Variants in PAPSS1 observed in about 807,000 individuals in gnomAD.
PAPSS1 encodes the protein bifunctional 3'-phosphoadenosine 5'-phosphosulfate synthase 1.
Under a neutral mutation model 72.0 loss-of-function variants are expected in PAPSS1, and 50 were observed. That is an observed-to-expected ratio of 0.69 (90% CI 0.55 to 0.88). The LOEUF (loss-of-function observed/expected upper bound fraction) is 0.88. Ranked by LOEUF, PAPSS1 falls within the 40% of genes least tolerant of loss-of-function variation. PAPSS1 has a pLI of 0.00. For synonymous variants in PAPSS1, 261 were observed against 263.6 expected, an observed-to-expected ratio of 0.99 and a Z score of 0.09; for missense variants, 657 against 782.2, an observed-to-expected ratio of 0.84 and a Z score of 1.91.
intron 1 of PAPSS1, among the ~76,000 whole-genome samples, chr4:107,719,187 G>GTTT (rs9307313): frequency 3.4e-5 from 5 of 146,412 alleles, no homozygotes; most frequent in Admixed American, 6.8e-5. Flanking sequence ...GAAATTGCTT[G>GTTT]TTTTTTTTTT....
intron 1 of PAPSS1, among the ~76,000 whole-genome samples, chr4:107,703,106 G>A (rs189021770): frequency 1.1e-4 from 16 of 152,224 alleles, no homozygotes; most frequent in East Asian, 1.9e-4. Flanking sequence ...AAGTTGAGCC[G>A]ATGATTAGAG....
At chr4:107,718,704 T>A (rs1723698016) in intron 1 of PAPSS1, among the ~76,000 whole-genome samples, 1 of 152,190 alleles carries the variant, frequency 6.6e-6, no homozygotes, top group Admixed American at 6.5e-5. Flanking sequence ...ATGTGGCAAA[T>A]GTTAATAAAT....
intron 11 of PAPSS1, among the ~76,000 whole-genome samples, chr4:107,626,293 C>T (rs1352668118): frequency 6.6e-6 from 1 of 152,152 alleles, no homozygotes; most frequent in Non-Finnish European, 1.5e-5. Context: ...TTCATTTACC[C>T]ATTTCCACAA....
chr4:107,623,375 G>GT (rs1174142281), intron 11 of PAPSS1, among the ~76,000 whole-genome samples: 2 of 152,094 alleles, frequency 1.3e-5, no homozygotes, highest in Admixed American at 1.3e-4. Context: ...ATTTATAGGA[G>GT]TAAGTCGAGA....
In PAPSS1 at chr4:107,631,643, T is replaced by C. The variant is rs1392825064; in HGVS notation, c.1724A>G (p.Tyr575Cys). Residue 575 changes from tyrosine (Y) to cysteine (C), a missense_variant, in exon 11 of 12, where the codon TAT (tyrosine) becomes TGT (cysteine). Tyr to Cys is a radical substitution (Grantham distance 194). This residue lies in a region of PAPSS1 where 103 missense variants were observed against 93.8 expected (regional missense o/e 1.10). Coordinates refer to ENST00000265174, the MANE Select transcript of PAPSS1 (RefSeq NM_005443.5). Reference sequence around the variant, plus strand: ...ATGTAAGACTTACTGTTCAGAGTCATAGTAGTCCATACGCTTCTTTTTCTT... The same window carrying C: ...ATGTAAGACTTACTGTTCAGAGTCACAGTAGTCCATACGCTTCTTTTTCTT... The part of the protein sequence containing the change: ...YNKKKKRMDY[Y>C]DSEHHEDFEF... The C allele has an allele frequency of 4.3e-6, 7 of 1,609,922 alleles. No individual in the cohort carries two copies. Among genetic ancestry groups the C allele is most frequent in the Non-Finnish European group, 6.0e-6 (7 of 1,176,220 alleles).
intron 6 of PAPSS1, among the ~76,000 whole-genome samples, chr4:107,659,495 G>A (rs1390062375): frequency 4.6e-5 from 7 of 151,868 alleles, no homozygotes; most frequent in East Asian, 1.9e-4. Flanking sequence ...GCTTAACTAC[G>A]CAGTTGTATT....
In PAPSS1 at chr4:107,695,196, GA is replaced by G. The variant is rs1230156336; in HGVS notation, c.176-1191del. Among the ~76,000 whole-genome samples, 16 of 152,138 alleles carry G rather than the reference GA, an allele frequency of 1.1e-4. 1 individual carries two copies. Among genetic ancestry groups the G allele is most frequent in the Admixed American group, 1.0e-3 (16 of 15,268 alleles). The stretch of plus-strand genomic sequence containing the variant: ...GCAGTGGTTTGTAGTTCTCCTTGAA[GA>G]GGTCCTTCACGTCCCTTGCAAGTTG... On this transcript the variant is annotated intron_variant, in intron 2 of 11. Coordinates refer to ENST00000265174, the MANE Select transcript of PAPSS1 (RefSeq NM_005443.5).
intron 6 of PAPSS1, among the ~76,000 whole-genome samples, chr4:107,659,079 C>T (rs973199077): frequency 6.6e-6 from 1 of 152,210 alleles, no homozygotes; most frequent in African/African-American, 2.4e-5. Flanking sequence ...AGTCTGTAAG[C>T]AACAAATTCT....
intron 4 of PAPSS1, among the ~76,000 whole-genome samples, chr4:107,682,874 A>G (rs1560583725): frequency 6.6e-6 from 1 of 152,240 alleles, no homozygotes; most frequent in African/African-American, 2.4e-5. Context: ...ATGAACTACT[A>G]TTTGCTTAAA....
intron 10 of PAPSS1, among the ~76,000 whole-genome samples, chr4:107,640,192 C>G (rs946501534): frequency 6.6e-6 from 1 of 152,140 alleles, no homozygotes; most frequent in Non-Finnish European, 1.5e-5. Flanking sequence ...CCTACATAGT[C>G]AATTAATACC....
intron 2 of PAPSS1, among the ~76,000 whole-genome samples, chr4:107,694,866 G>A (rs1723027210): frequency 6.6e-6 from 1 of 151,982 alleles, no homozygotes; most frequent in Non-Finnish European, 1.5e-5. Flanking sequence ...AACCAAGATA[G>A]TTCTAAAACA....
At chr4:107,617,500 C>T (rs1006406126) in intron 11 of PAPSS1, among the ~76,000 whole-genome samples, 1 of 152,076 alleles carries the variant, frequency 6.6e-6, no homozygotes, top group Non-Finnish European at 1.5e-5. Context: ...TAATCAGTCA[C>T]AAGAAAAATC....
At chr4:107,671,731 A>C (rs1727472739) in intron 5 of PAPSS1, among the ~76,000 whole-genome samples, 1 of 152,196 alleles carries the variant, frequency 6.6e-6, no homozygotes, top group African/African-American at 2.4e-5. Context: ...TTTGCATACA[A>C]TCTACACACA....
intron 11 of PAPSS1, among the ~76,000 whole-genome samples, chr4:107,629,386 G>T (rs1186721261): frequency 6.6e-6 from 1 of 152,178 alleles, no homozygotes; most frequent in East Asian, 1.9e-4. Flanking sequence ...AATTAATCTT[G>T]CCCATGCCCA....
intron 10 of PAPSS1, among the ~76,000 whole-genome samples, chr4:107,634,796 C>CTTTT (rs1560566992): frequency 9.4e-6 from 1 of 106,344 alleles, no homozygotes; most frequent in African/African-American, 4.4e-5. Context: ...ATATTCTAGA[C>CTTTT]ATTTTTTTTT....
rs181539443 is a variant in PAPSS1, at chr4:107,674,624, C to T, written c.669+7391G>A. Among the ~76,000 whole-genome samples the T allele has an allele frequency of 5.4e-3, 766 of 141,026 alleles. 5 individuals are homozygous for T. The highest frequency in any genetic ancestry group is 0.017 in the African/African-American group (698 of 40,344). The allele number at this position is 141,026 out of a possible 152,430, so 92.5% of individuals were successfully genotyped here. A position where few individuals can be genotyped will look rare whatever the true frequency, so the allele number is the denominator to read the frequency against. On this transcript the variant is annotated intron_variant, in intron 5 of 11. Coordinates refer to ENST00000265174, the MANE Select transcript of PAPSS1 (RefSeq NM_005443.5). ...TCACTGTCAACATTAGACAGATCCA[C>T]GAGACAGAAAGTTAAAAAGGATATC...
intron 3 of PAPSS1, among the ~76,000 whole-genome samples, chr4:107,688,180 A>C (rs1165801754): frequency 1.3e-5 from 2 of 152,072 alleles, no homozygotes; most frequent in African/African-American, 4.8e-5. Context: ...TCCACCTGAA[A>C]TCTTCAGCAT....
rs180958604 is a variant in PAPSS1, at chr4:107,624,461, G to A, written c.1736+7170C>T. On this transcript the variant is annotated intron_variant, in intron 11 of 11. Transcript: ENST00000265174. ...ACTATAGTACCTACAACCTAGCAAT[G>A]GCTTGCAAGCAAACTATTTGCAAAT... Among the ~76,000 whole-genome samples the A allele has an allele frequency of 2.0e-5, 3 of 152,174 alleles. No individual in the cohort carries two copies. In the East Asian group the frequency reaches 5.8e-4, roughly 29 times the overall value.
At chr4:107,619,854 A>C (rs1725912033) in intron 11 of PAPSS1, among the ~76,000 whole-genome samples, 1 of 152,204 alleles carries the variant, frequency 6.6e-6, no homozygotes, top group South Asian at 2.1e-4. Flanking sequence ...CTCTTAAAAC[A>C]AAAGAGAAGA....
Sources: allele counts gnomAD v4.1 joint callset (sites outside exome capture counted in the v4.1 genomes callset), GRCh38; gene constraint gnomAD v4.1.1; regional missense constraint gnomAD v4.1.1; transcripts MANE v1.5; gene names NCBI Gene and HGNC (gene_info 2026-07-23, HGNC 2026-07-21).